Variants in SLC16A9 observed in about 807,000 individuals in gnomAD.
SLC16A9 encodes the protein solute carrier family 16 member 9.
A neutral mutation model predicts 44.3 loss-of-function variants in SLC16A9; 26 were observed. That is an observed-to-expected ratio of 0.59 (90% CI 0.43 to 0.81). SLC16A9 has a LOEUF of 0.81. Among genes scored for constraint, SLC16A9 ranks in the 40% least tolerant of loss-of-function variants. The pLI, the probability that SLC16A9 is intolerant of heterozygous loss-of-function variation, is 0.00. For synonymous variants in SLC16A9, 230 were observed against 225.1 expected (o/e 1.02, Z -0.19); for missense variants, 559 against 595.8 (o/e 0.94, Z 0.64).
chr10:59,694,819 C>CAT (rs1456040991), intron 1 of SLC16A9, among the ~76,000 whole-genome samples: 5 of 36,156 alleles, frequency 1.4e-4, no homozygotes, highest in East Asian at 5.2e-4. Context: ...TATATATATA[C>CAT]ACACACACAC....
At chr10:59,655,972 C>G (rs1243691970) in intron 4 of SLC16A9, among the ~76,000 whole-genome samples, 2 of 152,148 alleles carry the variant, frequency 1.3e-5, no homozygotes, top group Non-Finnish European at 2.9e-5. Flanking sequence ...AAAATATTTT[C>G]TTTGGGACCT....
intron 1 of SLC16A9, among the ~76,000 whole-genome samples, chr10:59,704,894 T>C (rs1054063638): frequency 1.3e-5 from 2 of 152,252 alleles, no homozygotes; most frequent in African/African-American, 2.4e-5. Context: ...CTTTAGTATG[T>C]CATGTACAAA....
chr10:59,671,079 G>T (rs1268456016), intron 3 of SLC16A9, among the ~76,000 whole-genome samples: 1 of 152,202 alleles, frequency 6.6e-6, no homozygotes, highest in Non-Finnish European at 1.5e-5. Flanking sequence ...CTTCACAGAT[G>T]AGGGAGGGTA....
intron 4 of SLC16A9, among the ~76,000 whole-genome samples, chr10:59,658,008 A>G (rs1309952822): frequency 6.6e-6 from 1 of 152,172 alleles, no homozygotes; most frequent in African/African-American, 2.4e-5. Flanking sequence ...CAGGCACCTT[A>G]AGACTGATAG....
At chr10:59,692,232 T>A (rs538169770) in intron 1 of SLC16A9, among the ~76,000 whole-genome samples, 1 of 152,204 alleles carries the variant, frequency 6.6e-6, no homozygotes, top group South Asian at 2.1e-4. Flanking sequence ...GATCTAGTTA[T>A]CTGTGAGGTG....
chr10:59,703,612 C>A (rs1191263344), intron 1 of SLC16A9, among the ~76,000 whole-genome samples: 2 of 152,158 alleles, frequency 1.3e-5, no homozygotes, highest in East Asian at 3.9e-4. Flanking sequence ...AACTTTGGCA[C>A]CACTCAGGCC....
At position 59,654,281 on chromosome 10, in the gene SLC16A9, G is replaced by A. The variant is rs1839294526; in HGVS notation, c.745C>T (p.Gln249Ter). The A allele has an allele frequency of 6.2e-7, 1 of 1,614,122 alleles. No individual in the cohort carries two copies. The highest frequency in any genetic ancestry group is 8.5e-7 in the Non-Finnish European group (1 of 1,180,030). The stretch of plus-strand genomic sequence containing the variant: ...GGGTTTTTATGAAGTAGGCTGTCTT[G>A]TTTCCAGTCACCATTGGCTAACGTG... ...RITLANGDWKQDSLLHKNPTV... is the reference protein window; with the variant it reads ...RITLANGDWK Residue 249 changes from glutamine (Q) to a stop codon, truncating the protein, a stop_gained, in exon 5 of 6, where the codon CAA becomes TAA. Transcript: ENST00000395348. LOFTEE classifies it high-confidence loss of function.
chr10:59,676,314 C>T (rs1839856573), intron 2 of SLC16A9, among the ~76,000 whole-genome samples: 1 of 152,192 alleles, frequency 6.6e-6, no homozygotes, highest in Non-Finnish European at 1.5e-5. Context: ...CATCAAGTCA[C>T]ATCTGCAAAA....
In SLC16A9 at chr10:59,679,200, C is replaced by A. The variant is rs1442869263; in HGVS notation, c.196+4896G>T. Among the ~76,000 whole-genome samples, 3 of 151,680 alleles carry A rather than the reference C, an allele frequency of 2.0e-5. No individual in the cohort carries two copies. In the East Asian group the frequency reaches 5.8e-4, roughly 29 times the overall value. On this transcript the variant is annotated intron_variant, in intron 2 of 5. Transcript: ENST00000395348. ...TTGGGTAGTGTGAGAAACAGAACCA[C>A]CGTTTCCTTGAATTTGGAGAACAAT...
At chr10:59,702,834 T>C (rs1391791031) in intron 1 of SLC16A9, among the ~76,000 whole-genome samples, 1 of 152,196 alleles carries the variant, frequency 6.6e-6, no homozygotes, top group Non-Finnish European at 1.5e-5. Flanking sequence ...AATTTATCCA[T>C]CTAGTTGAAA....
At chr10:59,702,520 G>T (rs940721656) in intron 1 of SLC16A9, among the ~76,000 whole-genome samples, 3 of 152,158 alleles carry the variant, frequency 2.0e-5, no homozygotes, top group Non-Finnish European at 1.5e-5. Flanking sequence ...GTCACAGTAA[G>T]GTATGTGGTT....
Position 59,668,660 on chromosome 10 carries a change from AAG to A in SLC16A9, c.340+4108_340+4109del, listed in dbSNP as rs1279927776. Among the ~76,000 whole-genome samples the A allele has an allele frequency of 5.3e-5, 8 of 152,260 alleles. No individual in the cohort carries two copies. The East Asian group carries it at 1.2e-3, about 22-fold the overall frequency. On this transcript the variant is annotated intron_variant, in intron 3 of 5. Coordinates refer to ENST00000395348, the MANE Select transcript of SLC16A9 (RefSeq NM_194298.3). Reference sequence around the variant, plus strand: ...ATCTTGTAAGATAGTTGTAAAAATTAAGAGACATAAAAAATGTAAATATGTAG... The same window carrying A: ...ATCTTGTAAGATAGTTGTAAAAATTAAGACATAAAAAATGTAAATATGTAG...
intron 4 of SLC16A9, 27 bp from the exon 5 acceptor site, chr10:59,654,616 C>A: frequency 6.6e-7 from 1 of 1,503,844 alleles, no homozygotes; most frequent in Non-Finnish European, 8.8e-7. Context: ...AACTGTTCAA[C>A]CTCGTAATCT....
At chr10:59,706,803 T>C (rs1291894650) in intron 1 of SLC16A9, among the ~76,000 whole-genome samples, 1 of 151,870 alleles carries the variant, frequency 6.6e-6, no homozygotes, top group Non-Finnish European at 1.5e-5. Flanking sequence ...TGAAACCCCA[T>C]CTCTACTAAA....
chr10:59,663,389 A>G (rs557432858), intron 4 of SLC16A9, among the ~76,000 whole-genome samples: 13 of 152,198 alleles, frequency 8.5e-5, no homozygotes, highest in African/African-American at 3.1e-4. Flanking sequence ...AGAAAGAAAG[A>G]AAATGTGGCA....
At chr10:59,672,963 A>G (rs565643979) in intron 2 of SLC16A9, 50 bp from the exon 3 acceptor site, 11 of 1,541,234 alleles carry the variant, frequency 7.1e-6, no homozygotes, top group African/African-American at 1.4e-5. Flanking sequence ...TCCATCCATC[A>G]TAAGTTCAAA....
At chr10:59,675,960 G>A (rs377326126) in intron 2 of SLC16A9, among the ~76,000 whole-genome samples, 3 of 152,202 alleles carry the variant, frequency 2.0e-5, no homozygotes, top group East Asian at 3.9e-4. Context: ...CTCTCACTCC[G>A]GCTCTAAAAC....
chr10:59,669,064 T>G (rs1463112881), intron 3 of SLC16A9, among the ~76,000 whole-genome samples: 5 of 151,988 alleles, frequency 3.3e-5, no homozygotes, highest in Non-Finnish European at 5.9e-5. Context: ...GGGAAGAAAA[T>G]GGAATTCTTC....
At chr10:59,660,874 A>G (rs998438827) in intron 4 of SLC16A9, among the ~76,000 whole-genome samples, 1 of 152,248 alleles carries the variant, frequency 6.6e-6, no homozygotes, top group Non-Finnish European at 1.5e-5. Flanking sequence ...AATGTAATCC[A>G]TCACATAAAC....
Sources: gnomAD v4.1 joint callset for allele counts (sites outside exome capture counted in the v4.1 genomes callset) on GRCh38, gnomAD v4.1.1 for gene constraint, MANE v1.5 for transcripts, NCBI Gene and HGNC (gene_info 2026-07-23, HGNC 2026-07-21) for gene names.